Variants in DNMT3A observed in about 807,000 individuals in gnomAD.
The protein encoded by DNMT3A is DNA (cytosine-5)-methyltransferase 3A.
DNMT3A carries 267 observed loss-of-function variants against 117.6 expected under a neutral mutation model. That is an observed-to-expected ratio of 2.27 (90% CI 2.05 to 2.51). The LOEUF (loss-of-function observed/expected upper bound fraction) is 2.51. Among genes scored for constraint, DNMT3A ranks in the 30% most tolerant of loss-of-function variants. DNMT3A has a pLI of 0.00. For missense variants in DNMT3A, 1,029 were observed against 1,260.2 expected, an observed-to-expected ratio of 0.82 and a Z score of 2.78; for synonymous variants, 432 against 474.8, an observed-to-expected ratio of 0.91 and a Z score of 1.17.
chr2:25,235,618 A>C, intron 22 of DNMT3A, 89 bp downstream of exon 22: 1 of 1,036,100 alleles, frequency 9.7e-7, no homozygotes, highest in Non-Finnish European at 1.5e-6. Context: ...GTGGAAAACA[A>C]GTCAGGTGGG....
chr2:25,235,913 G>T, intron 21 of DNMT3A, 88 bp from the exon 22 acceptor site: 1 of 1,237,962 alleles, frequency 8.1e-7, no homozygotes, highest in Non-Finnish European at 1.2e-6. Context: ...CCAGGTACTC[G>T]CCAAACCCTG....
At chr2:25,338,871 A>G (rs1006482650) in intron 1 of DNMT3A, among the ~76,000 whole-genome samples, 7 of 152,186 alleles carry the variant, frequency 4.6e-5, no homozygotes, top group African/African-American at 1.4e-4. Flanking sequence ...TAAAACATCC[A>G]TAAGGGACTG....
chr2:25,244,992 C>T (rs1010905208), intron 13 of DNMT3A, among the ~76,000 whole-genome samples: 1 of 152,224 alleles, frequency 6.6e-6, no homozygotes, highest in Non-Finnish European at 1.5e-5. Flanking sequence ...CGCTGCTCTG[C>T]TCCCATCCCC....
chr2:25,318,411 C>A (rs1451323384), intron 1 of DNMT3A, among the ~76,000 whole-genome samples: 1 of 152,084 alleles, frequency 6.6e-6, no homozygotes, highest in Non-Finnish European at 1.5e-5. Flanking sequence ...CTCAGCCTCC[C>A]GAGTAGCTGG....
chr2:25,300,873 C>G lies in DNMT3A; in HGVS notation c.73-630G>C, dbSNP rs576528789. Among the ~76,000 whole-genome samples, 5 of 147,524 alleles carry G rather than the reference C, an allele frequency of 3.4e-5. No individual in the cohort carries two copies. In the South Asian group the frequency reaches 1.1e-3, roughly 32 times the overall value. On this transcript the variant is annotated intron_variant, in intron 2 of 22. Coordinates refer to ENST00000321117, the MANE Select transcript of DNMT3A (RefSeq NM_022552.5). ...TTTTCCGAACCATAAAATCATAACA[C>G]AAGCTCTGATAAAGGATTTGAGTTA...
rs903910244 is a variant in DNMT3A at position 25,233,498 on chromosome 2, A to G, written c.*781T>C. ...TCTATCATATATATATAAACTGTAA[A>G]CAAGAGGTAACAGCGGCTTCTAGAA... is the stretch of plus-strand genomic sequence containing the variant. On this transcript the variant is annotated 3_prime_UTR_variant, in exon 23 of 23. Transcript: ENST00000321117. 1 of 233,478 alleles carries G rather than the reference A, an allele frequency of 4.3e-6. No individual in the cohort carries two copies. Among genetic ancestry groups the G allele is most frequent in the African/African-American group, 2.2e-5 (1 of 45,288 alleles). The allele number at this position is 233,478 out of a possible 1,614,324, so 14.5% of individuals were successfully genotyped here.
rs995555530 is a variant in DNMT3A at position 25,295,571 on chromosome 2, CCAG to C, written c.177+4565_177+4567del. Among the ~76,000 whole-genome samples, 7 of 152,226 alleles carry C rather than the reference CCAG, an allele frequency of 4.6e-5. No individual in the cohort carries two copies. In the South Asian group the frequency reaches 8.3e-4, roughly 18 times the overall value. ...TTTGGACCAGTTCCACACACTTTTT[CCAG>C]CAGCCCTGAATTCACATATTAACTG... On this transcript the variant is annotated intron_variant, in intron 3 of 22. Transcript: ENST00000321117.
chr2:25,252,069 G>C lies in DNMT3A; in HGVS notation c.640-3817C>G. ...AGAACTCGGGCCAGGCCGGGACGCCGCGGCTGCTGCGGGCCGGGGAGGCAT... is the reference window on the plus strand; with the variant it reads ...AGAACTCGGGCCAGGCCGGGACGCCCCGGCTGCTGCGGGCCGGGGAGGCAT... On this transcript the variant is annotated intron_variant, in intron 6 of 22. Transcript: ENST00000321117. This position sits in a 1 kb window ranked among gnomAD's most constrained non-coding sequence, Gnocchi z 5.5. 7.8e-7 allele frequency: 1 copy of C among 1,286,050 alleles called. No individual in the cohort carries two copies. The highest frequency in any genetic ancestry group is 1.1e-6 in the Non-Finnish European group (1 of 945,650). The allele number at this position is 1,286,050 out of a possible 1,614,324, so 79.7% of individuals were successfully genotyped here.
At chr2:25,334,535 G>C (rs888240618) in intron 1 of DNMT3A, among the ~76,000 whole-genome samples, 2 of 152,216 alleles carry the variant, frequency 1.3e-5, no homozygotes, top group Admixed American at 6.5e-5. Flanking sequence ...AACCATTTGG[G>C]CCACAACAGC....
At chr2:25,341,489 G>A (rs1379025478) in intron 1 of DNMT3A, among the ~76,000 whole-genome samples, 1 of 146,194 alleles carries the variant, frequency 6.8e-6, no homozygotes, top group Non-Finnish European at 1.5e-5. Flanking sequence ...GGCGGTGGAG[G>A]GGCCCCCCGC....
chr2:25,309,590 G>C (rs1490423296), intron 2 of DNMT3A, among the ~76,000 whole-genome samples: 1 of 152,148 alleles, frequency 6.6e-6, no homozygotes. Flanking sequence ...CTTCACGCAG[G>C]AGACAGCCTA....
At chr2:25,239,571 G>T (rs1443275646) in intron 19 of DNMT3A, 2 of 535,836 alleles carry the variant, frequency 3.7e-6, no homozygotes, top group Non-Finnish European at 7.5e-6. Context: ...GTAAACAGCC[G>T]CATGTGGCTG....
At chr2:25,292,287 T>C (rs1405726408) in intron 3 of DNMT3A, among the ~76,000 whole-genome samples, 3 of 151,976 alleles carry the variant, frequency 2.0e-5, no homozygotes, top group South Asian at 4.2e-4. Flanking sequence ...GAGGCAAAGG[T>C]TGCAGTGAGC....
At chr2:25,276,773 A>C (rs968064858) in intron 4 of DNMT3A, among the ~76,000 whole-genome samples, 3 of 152,246 alleles carry the variant, frequency 2.0e-5, no homozygotes, top group African/African-American at 7.2e-5. Flanking sequence ...GGCCCACTGC[A>C]GGAAGGTCAC....
In DNMT3A at chr2:25,339,076, G is replaced by T. The variant is rs2149455030; in HGVS notation, c.-178+2750C>A. Among the ~76,000 whole-genome samples the T allele has an allele frequency of 6.6e-6, 1 of 152,014 alleles. No individual in the cohort carries two copies. Among genetic ancestry groups the T allele is most frequent in the African/African-American group, 2.4e-5 (1 of 41,442 alleles). ...CCTCACACTGCCTCTCCTTCCCAAGGCCCAACTCGCTGGGCGCCCTGATCT... is the reference window on the plus strand; with the variant it reads ...CCTCACACTGCCTCTCCTTCCCAAGTCCCAACTCGCTGGGCGCCCTGATCT... On this transcript the variant is annotated intron_variant, in intron 1 of 22. Transcript: ENST00000321117. The surrounding 1 kb of genome is among the most constrained non-coding windows in gnomAD (Gnocchi z 4.9).
Position 25,282,583 on chromosome 2 carries a change from C to T in DNMT3A, c.306G>A (p.Glu102=), listed in dbSNP as rs200559311. The part of the protein sequence containing the change: ...DLEKRSEPQP[E]EGSPAGGQKG... ...TCTGCCCCCCAGCAGGGCTCCCCTC[C>T]TCTGGCTGGGGCTCACTCCGCTTCT... The change falls in exon 4 of 23, where the codon GAG becomes GAA. Residue 102 remains glutamate, a synonymous_variant. Coordinates refer to ENST00000321117, the MANE Select transcript of DNMT3A (RefSeq NM_022552.5). This position sits in a 1 kb window ranked among gnomAD's most constrained non-coding sequence, Gnocchi z 5.2. 1.2e-6 allele frequency: 2 copies of T among 1,613,662 alleles called. No homozygotes were observed. The highest frequency in any genetic ancestry group is 4.5e-5 in the East Asian group (2 of 44,878).
chr2:25,258,291 C>T (rs900141200), intron 6 of DNMT3A, among the ~76,000 whole-genome samples: 1 of 152,244 alleles, frequency 6.6e-6, no homozygotes, highest in Non-Finnish European at 1.5e-5. Flanking sequence ...GGCCCTGCCC[C>T]AGAACCTCCT....
At chr2:25,258,917 G>GA (rs1676380933) in intron 6 of DNMT3A, among the ~76,000 whole-genome samples, 3 of 152,166 alleles carry the variant, frequency 2.0e-5, no homozygotes. Context: ...CACTCTAGAT[G>GA]AATTCTTCTA....
intron 6 of DNMT3A, among the ~76,000 whole-genome samples, chr2:25,269,193 G>A (rs1321815568): frequency 2.0e-5 from 3 of 152,258 alleles, no homozygotes; most frequent in South Asian, 2.1e-4. Flanking sequence ...GTGGTGGTGC[G>A]TGCCTGTAAT....
Sources: allele counts gnomAD v4.1 joint callset (sites outside exome capture counted in the v4.1 genomes callset), GRCh38; gene constraint gnomAD v4.1.1; non-coding constraint Gnocchi (gnomAD v3.1); transcripts MANE v1.5; gene names NCBI Gene and HGNC (gene_info 2026-07-23, HGNC 2026-07-21).